ZNRF1: variants seen among roughly 807,000 people sequenced by gnomAD.
The protein encoded by ZNRF1 is zinc and ring finger 1, also known as E3 ubiquitin-protein ligase ZNRF1.
A neutral mutation model predicts 18.4 loss-of-function variants in ZNRF1; 3 were observed. The observed-to-expected ratio is 0.16, with a 90% CI of 0.07 to 0.42. The LOEUF is 0.42. ZNRF1 is among the 10% of genes least tolerant of loss of function. ZNRF1 has a pLI of 0.99. For missense variants in ZNRF1, 310 were observed against 329.8 expected, an observed-to-expected ratio of 0.94 and a Z score of 0.47; for synonymous variants, 157 against 144.2, an observed-to-expected ratio of 1.09 and a Z score of -0.64.
intron 1 of ZNRF1, chr16:75,000,426 C>G (rs1258156832): frequency 5.9e-6 from 3 of 506,044 alleles, no homozygotes; most frequent in Admixed American, 2.4e-5. Context: ...CTGGGTACTT[C>G]CATTCTGCCA....
At chr16:75,010,711 G>GTTTTTGTTTTTTTTTTTTTTT (rs2034986440) in intron 1 of ZNRF1, among the ~76,000 whole-genome samples, 6 of 74,326 alleles carry the variant, frequency 8.1e-5, no homozygotes, top group Non-Finnish European at 1.9e-4. Flanking sequence ...GTTTTTTTTT[G>GTTTTTGTTTTTTTTTTTTTTT]TTTTTTTGTT....
At chr16:75,060,446 C>T (rs2035727505) in intron 1 of ZNRF1, among the ~76,000 whole-genome samples, 1 of 150,080 alleles carries the variant, frequency 6.7e-6, no homozygotes, top group Non-Finnish European at 1.5e-5. Flanking sequence ...CCATGAAATC[C>T]ACCCTAGCAT....
chr16:75,042,682 C>G (rs1352692660), intron 1 of ZNRF1, among the ~76,000 whole-genome samples: 1 of 151,914 alleles, frequency 6.6e-6, no homozygotes. Context: ...ATTTTTGTTC[C>G]TCTTTTTCAA....
intron 1 of ZNRF1, among the ~76,000 whole-genome samples, chr16:75,011,455 A>G (rs2034999312): frequency 6.6e-6 from 1 of 151,986 alleles, no homozygotes. Context: ...CTGGACATGA[A>G]CTCCTGGGCT....
At chr16:75,047,483 A>G (rs1327403521) in intron 1 of ZNRF1, among the ~76,000 whole-genome samples, 1 of 152,246 alleles carries the variant, frequency 6.6e-6, no homozygotes, top group Non-Finnish European at 1.5e-5. Context: ...TATTCATAGC[A>G]AGGGGCAGTT....
intron 1 of ZNRF1, among the ~76,000 whole-genome samples, chr16:75,019,368 A>T (rs1231033608): frequency 6.6e-6 from 1 of 152,102 alleles, no homozygotes; most frequent in African/African-American, 2.4e-5. Context: ...TATTTTCTTG[A>T]GACAGGGTCT....
At chr16:75,020,387 GTAT>G (rs2035128464) in intron 1 of ZNRF1, among the ~76,000 whole-genome samples, 1 of 151,892 alleles carries the variant, frequency 6.6e-6, no homozygotes, top group African/African-American at 2.4e-5. Flanking sequence ...CCATTTAAAA[GTAT>G]TATGATAGCA....
chr16:75,010,701 G>GTTTTTTTTT lies in ZNRF1; in HGVS notation c.424+10607_424+10615dup, dbSNP rs1334552920. 5.0e-3 allele frequency among the ~76,000 whole-genome samples: 320 copies of GTTTTTTTTT among 63,748 alleles called. 12 individuals carry two copies. Among genetic ancestry groups the GTTTTTTTTT allele is most frequent in the African/African-American group, 9.8e-3 (219 of 22,296 alleles). 41.8% of individuals were successfully genotyped at this position (63,748 alleles called of 152,430 possible). On this transcript the variant is annotated intron_variant, in intron 1 of 4. Transcript: ENST00000335325. ...AAATTAGTCACCTCTGTACTGTACT[G>GTTTTTTTTT]TTTTTTTTTGTTTTTTTGTTTTTTT... is the stretch of plus-strand genomic sequence containing the variant.
chr16:75,048,816 G>A (rs867088398), intron 1 of ZNRF1, among the ~76,000 whole-genome samples: 5 of 152,126 alleles, frequency 3.3e-5, no homozygotes, highest in Admixed American at 6.5e-5. Flanking sequence ...GAAATGGTGC[G>A]CAGATCTCGT....
chr16:75,053,610 A>T (rs2035633338), intron 1 of ZNRF1, among the ~76,000 whole-genome samples: 3 of 151,868 alleles, frequency 2.0e-5, no homozygotes. Flanking sequence ...AAAAAAAAAA[A>T]AATCACCAAT....
At chr16:75,008,511 A>T (rs375408505) in intron 1 of ZNRF1, among the ~76,000 whole-genome samples, 30 of 152,342 alleles carry the variant, frequency 2.0e-4, no homozygotes, top group African/African-American at 6.5e-4. Context: ...TCAAGAGCTT[A>T]GGATGAATCT....
chr16:75,083,234 G>C (rs1298202832), intron 1 of ZNRF1, among the ~76,000 whole-genome samples: 1 of 152,216 alleles, frequency 6.6e-6, no homozygotes, highest in African/African-American at 2.4e-5. Context: ...GGCAGTACTG[G>C]ATGCAGCCGA....
chr16:75,092,015 G>A (rs2036146046), intron 1 of ZNRF1, among the ~76,000 whole-genome samples: 1 of 152,076 alleles, frequency 6.6e-6, no homozygotes, highest in Non-Finnish European at 1.5e-5. Flanking sequence ...TGATAAGGAA[G>A]TGGCCAGGTG....
chr16:75,040,042 C>CTTTTTTTTTTTTTTT (rs57122648), intron 1 of ZNRF1, among the ~76,000 whole-genome samples: 17 of 78,858 alleles, frequency 2.2e-4, no homozygotes, highest in African/African-American at 7.7e-4. Context: ...TCTTTTCTTT[C>CTTTTTTTTTTTTTTT]TTTTTTTTTT....
At chr16:75,070,258 G>T (rs1381270192) in intron 1 of ZNRF1, among the ~76,000 whole-genome samples, 2 of 152,164 alleles carry the variant, frequency 1.3e-5, no homozygotes, top group African/African-American at 2.4e-5. Context: ...GGGCCGCCTA[G>T]CCCAGGCCGG....
chr16:75,060,458 C>G (rs541517931), intron 1 of ZNRF1, among the ~76,000 whole-genome samples: 1 of 145,600 alleles, frequency 6.9e-6, no homozygotes, highest in Non-Finnish European at 1.5e-5. Context: ...CCCTAGCATA[C>G]CAGACTCAGA....
chr16:75,003,583 T>C (rs953615312), intron 1 of ZNRF1, among the ~76,000 whole-genome samples: 4 of 152,108 alleles, frequency 2.6e-5, no homozygotes, highest in African/African-American at 9.7e-5. Context: ...GAGATGGGAT[T>C]GGAATGCAGG....
rs948406445 is a variant in ZNRF1, at chr16:75,108,417, T to A, written c.*717T>A. The A allele has an allele frequency of 7.6e-6, 3 of 394,198 alleles. No individual in the cohort carries two copies. Among genetic ancestry groups the A allele is most frequent in the African/African-American group, 6.2e-5 (3 of 48,484 alleles). The allele number at this position is 394,198 out of a possible 1,614,324, so 24.4% of individuals were successfully genotyped here. On this transcript the variant is annotated 3_prime_UTR_variant, in exon 5 of 5. Coordinates refer to ENST00000335325, the MANE Select transcript of ZNRF1 (RefSeq NM_032268.5). ...ATCACAAGTGTCCTGCAAAAATGCC[T>A]GAACATTATTCTTAGGCCCTCGTGG...
At chr16:75,032,880 G>A (rs540927701) in intron 1 of ZNRF1, among the ~76,000 whole-genome samples, 12 of 152,144 alleles carry the variant, frequency 7.9e-5, no homozygotes, top group Admixed American at 7.9e-4. Flanking sequence ...GGGCATGGTG[G>A]TATATGCCTG....
Sources: gnomAD v4.1 joint callset for allele counts (sites outside exome capture counted in the v4.1 genomes callset) on GRCh38, gnomAD v4.1.1 for gene constraint, MANE v1.5 for transcripts, NCBI Gene and HGNC (gene_info 2026-07-23, HGNC 2026-07-21) for gene names.